TAOK3: variants seen among roughly 807,000 people sequenced by gnomAD.
TAOK3 encodes the protein serine/threonine-protein kinase TAO3.
TAOK3 carries 40 observed loss-of-function variants against 120.4 expected under a neutral mutation model. The ratio of observed to expected loss-of-function variants is 0.33; its 90% confidence interval spans 0.26 to 0.43. The LOEUF (loss-of-function observed/expected upper bound fraction) is 0.43. Among genes scored for constraint, TAOK3 ranks in the 20% least tolerant of loss-of-function variants. The probability of loss-of-function intolerance (pLI) is 1.00; values close to 1 mark genes in which losing one functional copy is unlikely to be tolerated. For synonymous variants in TAOK3, 355 were observed against 387.5 expected (o/e 0.92, Z 0.99); for missense variants, 821 against 1,112.1 (o/e 0.74, Z 3.72).
At position 118,322,495 on chromosome 12, in the gene TAOK3, CTCCTGTAA is replaced by C. The variant is rs2043754171; in HGVS notation, c.-194+50145_-194+50152del. ...GAGGTCAGCAAACTTTTCTATAAAG[CTCCTGTAA>C]TCTTTTAGGCTTTGTGGGCCACATG... On this transcript the variant is annotated intron_variant, in intron 1 of 20. Transcript: ENST00000392533. Among the ~76,000 whole-genome samples, 9 of 151,700 alleles carry C rather than the reference CTCCTGTAA, an allele frequency of 5.9e-5. No homozygotes were observed. The South Asian group carries it at 1.9e-3, about 31-fold the overall frequency.
intron 1 of TAOK3, among the ~76,000 whole-genome samples, chr12:118,342,059 T>C (rs1370762269): frequency 6.6e-6 from 1 of 152,134 alleles, no homozygotes; most frequent in East Asian, 1.9e-4. Flanking sequence ...TAAAACCTTC[T>C]GTGATCTCTC....
chr12:118,246,568 TTGTCC>T, intron 3 of TAOK3: 2 of 1,565,244 alleles, frequency 1.3e-6, no homozygotes, highest in Non-Finnish European at 1.7e-6. Flanking sequence ...AAGCTCTCCA[TTGTCC>T]CCGTGCGCAG....
intron 1 of TAOK3, among the ~76,000 whole-genome samples, chr12:118,306,391 T>C (rs2043053617): frequency 2.0e-5 from 3 of 152,158 alleles, no homozygotes; most frequent in African/African-American, 7.2e-5. Flanking sequence ...TTGCCCAGGC[T>C]AGTGTCGAAC....
chr12:118,248,189 T>C lies in TAOK3; in HGVS notation c.121-3224A>G, dbSNP rs186598239. On this transcript the variant is annotated intron_variant, in intron 3 of 20. Transcript: ENST00000392533. ...CAAATAATTTGACCACAGATTCTTA[T>C]GGAATGTCAAAATGAAAAAAAAAAA... 6.0e-3 allele frequency among the ~76,000 whole-genome samples: 896 copies of C among 148,146 alleles called. 13 individuals are homozygous for C. Among genetic ancestry groups the C allele is most frequent in the South Asian group, 9.7e-3 (46 of 4,736 alleles).
intron 1 of TAOK3, among the ~76,000 whole-genome samples, chr12:118,313,913 A>G (rs1593506497): frequency 6.6e-6 from 1 of 152,258 alleles, no homozygotes; most frequent in East Asian, 1.9e-4. Flanking sequence ...ACAGTATAGT[A>G]TTTCTCAAAT....
intron 1 of TAOK3, among the ~76,000 whole-genome samples, chr12:118,270,384 A>G (rs2041646093): frequency 6.6e-6 from 1 of 152,206 alleles, no homozygotes; most frequent in Non-Finnish European, 1.5e-5. Context: ...GGTTCAGATA[A>G]TATCACAGCT....
intron 11 of TAOK3, among the ~76,000 whole-genome samples, chr12:118,209,000 G>A (rs1017153959): frequency 2.0e-5 from 3 of 152,088 alleles, no homozygotes; most frequent in East Asian, 1.9e-4. Flanking sequence ...ATGAGCCACC[G>A]TGCCCGGCCA....
intron 3 of TAOK3, among the ~76,000 whole-genome samples, chr12:118,253,867 G>A (rs2040866563): frequency 6.6e-6 from 1 of 152,262 alleles, no homozygotes; most frequent in African/African-American, 2.4e-5. Context: ...TGGCCAACAT[G>A]GTGAAACCCG....
intron 1 of TAOK3, chr12:118,295,457 T>C (rs750772908): frequency 3.9e-5 from 6 of 152,230 alleles, no homozygotes; most frequent in Admixed American, 1.3e-4. Flanking sequence ...CCTTGGTCGG[T>C]ATACTCATTA....
At chr12:118,361,932 A>AAG (rs2045612648) in intron 1 of TAOK3, among the ~76,000 whole-genome samples, 1 of 134,282 alleles carries the variant, frequency 7.4e-6, no homozygotes, top group Admixed American at 7.3e-5. Flanking sequence ...ATAATAAAAA[A>AAG]ACATGCTGGT....
intron 1 of TAOK3, among the ~76,000 whole-genome samples, chr12:118,286,363 C>G (rs1403402215): frequency 6.6e-6 from 1 of 151,926 alleles, no homozygotes; most frequent in Admixed American, 6.6e-5. Context: ...ACAACAAACT[C>G]AAACAAATTA....
At chr12:118,203,306 AAATT>A (rs1415439851) in intron 11 of TAOK3, among the ~76,000 whole-genome samples, 1 of 152,190 alleles carries the variant, frequency 6.6e-6, no homozygotes, top group Non-Finnish European at 1.5e-5. Context: ...TAAAGTCCAT[AAATT>A]AATCTTGATA....
chr12:118,156,796 G>A (rs185270152), intron 19 of TAOK3, among the ~76,000 whole-genome samples: 1 of 151,794 alleles, frequency 6.6e-6, no homozygotes, highest in East Asian at 1.9e-4. Flanking sequence ...GTGCAGTGGC[G>A]TGATCTCGGC....
intron 2 of TAOK3, among the ~76,000 whole-genome samples, chr12:118,262,316 T>C (rs1482676977): frequency 1.3e-5 from 2 of 151,896 alleles, no homozygotes; most frequent in African/African-American, 2.4e-5. Flanking sequence ...ACCCCATCTC[T>C]ATTAAAAGTA....
intron 9 of TAOK3, among the ~76,000 whole-genome samples, chr12:118,226,147 G>A (rs555677343): frequency 1.9e-3 from 289 of 152,258 alleles, no homozygotes; most frequent in African/African-American, 6.5e-3. Flanking sequence ...AGGCCGAGGC[G>A]GGCAGATCAC....
rs184271489 is a variant in TAOK3 at position 118,162,803 on chromosome 12, G to A, written c.1900-776C>T. Among the ~76,000 whole-genome samples, 93 of 151,762 alleles carry A rather than the reference G, an allele frequency of 6.1e-4. No individual in the cohort carries two copies. In the East Asian group the frequency reaches 0.016, roughly 27 times the overall value. ...TTCCTTTTCTTTCTTTCTTTCTTTG[G>A]TATTGAAGGAGGAAAGGAAAGCAAA... On this transcript the variant is annotated intron_variant, in intron 17 of 20. Coordinates refer to ENST00000392533, the MANE Select transcript of TAOK3 (RefSeq NM_016281.4).
chr12:118,335,688 C>T (rs1319466198), intron 1 of TAOK3, among the ~76,000 whole-genome samples: 3 of 151,908 alleles, frequency 2.0e-5, no homozygotes, highest in South Asian at 2.1e-4. Context: ...AAAAATTACC[C>T]GGGCGTGGTG....
chr12:118,316,491 C>G (rs1393833045), intron 1 of TAOK3, among the ~76,000 whole-genome samples: 1 of 152,078 alleles, frequency 6.6e-6, no homozygotes, highest in Admixed American at 6.5e-5. Context: ...GTTGTGCAAT[C>G]TCGGATCACT....
intron 16 of TAOK3, among the ~76,000 whole-genome samples, chr12:118,173,491 A>G (rs544718577): frequency 1.3e-5 from 2 of 152,350 alleles, no homozygotes; most frequent in African/African-American, 4.8e-5. Context: ...GCTACTGGAA[A>G]GGTCCAGGCA....
Sources: gnomAD v4.1 joint callset for allele counts (sites outside exome capture counted in the v4.1 genomes callset) on GRCh38, gnomAD v4.1.1 for gene constraint, MANE v1.5 for transcripts, NCBI Gene and HGNC (gene_info 2026-07-23, HGNC 2026-07-21) for gene names.